SLC30A10: variants seen among roughly 807,000 people sequenced by gnomAD.
SLC30A10 encodes calcium/manganese antiporter SLC30A10.
A neutral mutation model predicts 21.7 loss-of-function variants in SLC30A10; 8 were observed. That is an observed-to-expected ratio of 0.37 (90% CI 0.22 to 0.67). The LOEUF is 0.67. Ranked by LOEUF, SLC30A10 falls within the 30% of genes least tolerant of loss-of-function variation. The pLI is 0.58. For missense variants in SLC30A10, 521 were observed against 642.5 expected, an observed-to-expected ratio of 0.81 and a Z score of 2.04; for synonymous variants, 272 against 279.4, an observed-to-expected ratio of 0.97 and a Z score of 0.26.
At chr1:219,922,176 GTTTTTTTTTTTTTTTTTTTTTTTTTTTT>G (rs869249213) in intron 2 of SLC30A10, among the ~76,000 whole-genome samples, 4 of 36,450 alleles carry the variant, frequency 1.1e-4, no homozygotes, top group African/African-American at 2.2e-4. Context: ...GTGTGTGTGT[GTTTTTTTTTTTTTTTTTTTTTTTTTTTT>G]TTTTTTTTTT....
At chr1:219,922,178 T>TGTGTGTGTG (rs1558252084) in intron 2 of SLC30A10, among the ~76,000 whole-genome samples, 13 of 36,672 alleles carry the variant, frequency 3.5e-4, no homozygotes, top group South Asian at 1.0e-3. Context: ...GTGTGTGTGT[T>TGTGTGTGTG]TTTTTTTTTT....
At chr1:219,919,262 T>C (rs962469451) in intron 2 of SLC30A10, among the ~76,000 whole-genome samples, 4 of 152,196 alleles carry the variant, frequency 2.6e-5, no homozygotes, top group African/African-American at 9.7e-5. Context: ...GTAAATTAGG[T>C]AAAAATTTGG....
intron 3 of SLC30A10, among the ~76,000 whole-genome samples, chr1:219,917,988 C>T (rs756518527): frequency 2.6e-5 from 4 of 152,172 alleles, no homozygotes; most frequent in Non-Finnish European, 5.9e-5. Flanking sequence ...GCCAGGATTA[C>T]AGGCGTGAGC....
chr1:219,933,199 C>G (rs888084128), upstream of SLC30A10, among the ~76,000 whole-genome samples: 8 of 152,006 alleles, frequency 5.3e-5, no homozygotes, highest in Non-Finnish European at 1.0e-4. Context: ...TGCCCATCAG[C>G]CTGCAGTGTC....
chr1:219,938,878 G>A (rs973746753), intron 1 of SLC30A10, among the ~76,000 whole-genome samples: 3 of 152,202 alleles, frequency 2.0e-5, no homozygotes, highest in Admixed American at 6.5e-5. Context: ...GTAAGAGTGA[G>A]TCAGGCAGTC....
upstream of SLC30A10, among the ~76,000 whole-genome samples, chr1:219,933,215 C>G (rs1352324026): frequency 6.6e-6 from 1 of 151,786 alleles, no homozygotes; most frequent in Non-Finnish European, 1.5e-5. Context: ...GTGTCCTCAC[C>G]CAAACGCCAC....
rs1436772677 is a variant in SLC30A10, at chr1:219,912,455, A to T, written c.*2994T>A. On this transcript the variant is annotated 3_prime_UTR_variant, in exon 4 of 4. Coordinates refer to ENST00000366926, the MANE Select transcript of SLC30A10 (RefSeq NM_018713.3). ...ACTGTTTCTGTAGAAACAGAAGTGC[A>T]GTAGGGCCGTGTAGAAGGCCAGGTG... Among the ~76,000 whole-genome samples, 1 of 152,218 alleles carries T rather than the reference A, an allele frequency of 6.6e-6. No homozygotes were observed. Among genetic ancestry groups the T allele is most frequent in the African/African-American group, 2.4e-5 (1 of 41,468 alleles).
At chr1:219,925,662 T>A (rs1381271215) in intron 2 of SLC30A10, among the ~76,000 whole-genome samples, 4 of 112,734 alleles carry the variant, frequency 3.5e-5, no homozygotes, top group Non-Finnish European at 7.3e-5. Flanking sequence ...TTTTTTTTTT[T>A]TTTTTTTTTT....
chr1:219,928,509 T>TG lies in SLC30A10; in HGVS notation c.-70dup. 7.6e-7 allele frequency: 1 copy of TG among 1,310,716 alleles called. No homozygotes were observed. Among genetic ancestry groups the TG allele is most frequent in the Non-Finnish European group, 9.8e-7 (1 of 1,016,288 alleles). 81.2% of individuals were successfully genotyped at this position (1,310,716 alleles called of 1,614,324 possible). On this transcript the variant is annotated 5_prime_UTR_variant, in exon 1 of 4. Coordinates refer to ENST00000366926, the MANE Select transcript of SLC30A10 (RefSeq NM_018713.3). This position sits in a 1 kb window ranked among gnomAD's most constrained non-coding sequence, Gnocchi z 6.3. ...AGCCCACCCCGCGCGCAGCCACAGG[T>TG]GGGGGGCGCGGCGCGGATCCGTGAG... is the stretch of plus-strand genomic sequence containing the variant.
intron 1 of SLC30A10, among the ~76,000 whole-genome samples, chr1:219,934,663 C>T (rs980958016): frequency 3.3e-5 from 5 of 152,108 alleles, no homozygotes; most frequent in African/African-American, 1.2e-4. Flanking sequence ...TTGAGGTGAA[C>T]GCTATTATTT....
chr1:219,932,292 T>C (rs535874771), upstream of SLC30A10, among the ~76,000 whole-genome samples: 1 of 152,358 alleles, frequency 6.6e-6, no homozygotes, highest in East Asian at 1.9e-4. Flanking sequence ...ATGCTTCTTT[T>C]GTTCTAAACA....
chr1:219,927,165 C>A (rs764939658), intron 1 of SLC30A10, 60 bp from the exon 2 acceptor site: 8 of 1,525,402 alleles, frequency 5.2e-6, no homozygotes, highest in Non-Finnish European at 2.7e-6. Context: ...CAAAAAAAAA[C>A]CAATGGACTC....
intron 2 of SLC30A10, among the ~76,000 whole-genome samples, chr1:219,922,340 G>A (rs1305135688): frequency 1.3e-5 from 2 of 150,866 alleles, no homozygotes; most frequent in Admixed American, 6.6e-5. Flanking sequence ...TAAATACATC[G>A]ATAATCTCCT....
chr1:219,935,539 C>T (rs146460804), intron 1 of SLC30A10, among the ~76,000 whole-genome samples: 3 of 152,358 alleles, frequency 2.0e-5, no homozygotes, highest in East Asian at 1.9e-4. Flanking sequence ...GTCAGCTCTT[C>T]GCAAGTGAGC....
intron 1 of SLC30A10, among the ~76,000 whole-genome samples, chr1:219,946,183 A>C (rs1316144228): frequency 2.6e-5 from 4 of 152,256 alleles, no homozygotes; most frequent in East Asian, 1.9e-4. Context: ...CTGACATTGA[A>C]TTGTTAGCAT....
chr1:219,938,379 G>A (rs1169740720), intron 1 of SLC30A10, among the ~76,000 whole-genome samples: 1 of 152,182 alleles, frequency 6.6e-6, no homozygotes, highest in African/African-American at 2.4e-5. Context: ...CCACTCCCCT[G>A]ACTTTTCCCA....
chr1:219,924,072 C>A (rs990702794), intron 2 of SLC30A10, among the ~76,000 whole-genome samples: 1 of 152,016 alleles, frequency 6.6e-6, no homozygotes, highest in Non-Finnish European at 1.5e-5. Context: ...AAAAACAAAA[C>A]AAACAAACAA....
At position 219,918,361 on chromosome 1, in the gene SLC30A10, A is replaced by G. The variant is rs201423706; in HGVS notation, c.852T>C (p.Thr284=). 1 of 1,614,128 alleles carries G rather than the reference A, an allele frequency of 6.2e-7. No individual in the cohort carries two copies. Among genetic ancestry groups the G allele is most frequent in the Non-Finnish European group, 8.5e-7 (1 of 1,180,020 alleles). Residue 284 remains threonine, a synonymous_variant, in exon 3 of 4, where the codon ACT becomes ACC. Transcript: ENST00000366926. The surrounding 1 kb of genome is among the most constrained non-coding windows in gnomAD (Gnocchi z 4.4). ...NWQCYIDPSL[T]VLMVIIILSS... The stretch of plus-strand genomic sequence containing the variant: ...ACAAAATGATGATGACCATGAGGAC[A>G]GTCAGGCTGGGGTCAATGTAACACT...
In SLC30A10 at chr1:219,915,504, T is replaced by C. The variant is rs369343170; in HGVS notation, c.1403A>G (p.Gln468Arg). Residue 468 changes from glutamine (Q) to arginine (R), a missense_variant, in exon 4 of 4, where the codon CAA (glutamine) becomes CGA (arginine). Gln to Arg is a conservative substitution (Grantham distance 43). Transcript: ENST00000366926. ...GTCCTCCTGAGTTTTGTTAAGACTT[T>C]GTCCGTGGTCACTCAGACAGCTATC... The part of the protein sequence containing the change: ...SLDSCLSDHG[Q>R]SLNKTQEDQC... 11 of 1,614,138 alleles carry C rather than the reference T, an allele frequency of 6.8e-6. No individual in the cohort carries two copies. In the African/African-American group the frequency reaches 1.3e-4, roughly 20 times the overall value.
Sources: gnomAD v4.1 joint callset for allele counts (sites outside exome capture counted in the v4.1 genomes callset) on GRCh38, gnomAD v4.1.1 for gene constraint, Gnocchi (gnomAD v3.1) non-coding constraint, MANE v1.5 for transcripts, NCBI Gene and HGNC (gene_info 2026-07-23, HGNC 2026-07-21) for gene names.